TMEM245: variants seen among roughly 807,000 people sequenced by gnomAD.
TMEM245 encodes the protein protein CG-2.
In TMEM245, 69 loss-of-function variants were observed where a neutral mutation model predicts 101.2. The observed-to-expected ratio is 0.68, with a 90% CI of 0.56 to 0.83. The LOEUF (loss-of-function observed/expected upper bound fraction) is 0.83, where lower values mean the gene tolerates loss of function less well. Among genes scored for constraint, TMEM245 ranks in the 40% least tolerant of loss-of-function variants. The probability of loss-of-function intolerance (pLI) is 0.00; values close to 1 mark genes in which losing one functional copy is unlikely to be tolerated. For missense variants in TMEM245, 1,075 were observed against 1,092.8 expected (o/e 0.98, Z 0.23); for synonymous variants, 537 against 449.8 (o/e 1.19, Z -2.45).
chr9:109,073,847 TTTTTTTTTG>T (rs1456632158), intron 8 of TMEM245, among the ~76,000 whole-genome samples: 3 of 131,812 alleles, frequency 2.3e-5, no homozygotes, highest in African/African-American at 8.2e-5. Context: ...GAACTAACTT[TTTTTTTTTG>T]TTTTTTTTTT....
At chr9:109,060,256 G>T in intron 11 of TMEM245, 98 bp downstream of exon 11, 2 of 874,532 alleles carry the variant, frequency 2.3e-6, no homozygotes, top group South Asian at 1.9e-5. Flanking sequence ...AAATTTCCAT[G>T]AATGAAATCC....
At position 109,119,498 on chromosome 9, in the gene TMEM245, C is replaced by G. The variant is rs745482173; in HGVS notation, c.416G>C (p.Gly139Ala). The change falls in exon 1 of 18, where the codon GGC becomes GCC. Residue 139 changes from glycine (G) to alanine (A), a missense_variant. Around this residue, in one of 2 missense-constraint regions of TMEM245, gnomAD observed 808 missense variants for 741.5 expected, o/e 1.09. Coordinates refer to ENST00000374586, the MANE Select transcript of TMEM245 (RefSeq NM_032012.4). ...GCGGCGGCGGCGCAGCGCCTGCTCGCCCAGGGCCTCGACGCCGTAGTCGAC... is the reference window on the plus strand; with the variant it reads ...GCGGCGGCGGCGCAGCGCCTGCTCGGCCAGGGCCTCGACGCCGTAGTCGAC... Reference protein sequence around the residue: ...CFVDYGVEALGEQALRRRRLL... With the variant: ...CFVDYGVEALAEQALRRRRLL... 5.5e-4 allele frequency: 833 copies of G among 1,508,004 alleles called. No homozygotes were observed. Among genetic ancestry groups the G allele is most frequent in the Non-Finnish European group, 6.9e-4 (784 of 1,135,116 alleles). The allele number at this position is 1,508,004 out of a possible 1,614,324, so 93.4% of individuals were successfully genotyped here.
In TMEM245 at chr9:109,033,652, C is replaced by A. The variant is rs1193691645; in HGVS notation, c.2400-151G>T. The A allele has an allele frequency of 9.6e-6, 6 of 622,636 alleles. No homozygotes were observed. The Admixed American group carries it at 2.2e-4, about 23-fold the overall frequency. 38.6% of individuals were successfully genotyped at this position (622,636 alleles called of 1,614,324 possible). On this transcript the variant is annotated intron_variant, in intron 16 of 17. Coordinates refer to ENST00000374586, the MANE Select transcript of TMEM245 (RefSeq NM_032012.4). ...CTCGATGCATACAACTGAACACTGA[C>A]TGCAATAATATTGAGATGCAACAAT... is the stretch of plus-strand genomic sequence containing the variant.
At chr9:109,059,200 A>C (rs926584609) in intron 11 of TMEM245, among the ~76,000 whole-genome samples, 1 of 152,184 alleles carries the variant, frequency 6.6e-6, no homozygotes, top group Non-Finnish European at 1.5e-5. Context: ...ACTCACCTAG[A>C]TATTCCCTGA....
intron 9 of TMEM245, among the ~76,000 whole-genome samples, chr9:109,064,946 C>G (rs1029335366): frequency 2.0e-5 from 3 of 152,104 alleles, no homozygotes; most frequent in African/African-American, 7.2e-5. Flanking sequence ...CGTCACCACG[C>G]CTGGCTAATT....
chr9:109,103,524 A>G (rs937993553), intron 3 of TMEM245, among the ~76,000 whole-genome samples: 1 of 152,202 alleles, frequency 6.6e-6, no homozygotes, highest in Admixed American at 6.5e-5. Context: ...TGTGGTACTT[A>G]TACACAATGG....
intron 4 of TMEM245, among the ~76,000 whole-genome samples, 170 bp downstream of exon 4, chr9:109,093,305 T>C (rs1180778053): frequency 3.3e-5 from 5 of 151,916 alleles, no homozygotes; most frequent in Admixed American, 6.6e-5. Flanking sequence ...AAAAGTGATA[T>C]ATGAGAACAA....
intron 3 of TMEM245, among the ~76,000 whole-genome samples, chr9:109,102,474 C>T (rs1278802963): frequency 6.6e-6 from 1 of 152,154 alleles, no homozygotes; most frequent in Non-Finnish European, 1.5e-5. Flanking sequence ...CAGAGTACCA[C>T]AAACAGCCTC....
intron 3 of TMEM245, among the ~76,000 whole-genome samples, chr9:109,093,951 G>A (rs1479471632): frequency 6.6e-6 from 1 of 152,214 alleles, no homozygotes; most frequent in East Asian, 1.9e-4. Context: ...TGATCTGACT[G>A]TCTTAGGCTA....
At chr9:109,087,446 T>C (rs375786778) in intron 5 of TMEM245, 104 bp from the exon 6 acceptor site, 1 of 1,143,090 alleles carries the variant, frequency 8.7e-7, no homozygotes, top group Non-Finnish European at 1.2e-6. Context: ...ACAACAAAGC[T>C]AGTATTAAAA....
chr9:109,116,619 A>C (rs1413707723), intron 1 of TMEM245, among the ~76,000 whole-genome samples: 1 of 151,134 alleles, frequency 6.6e-6, no homozygotes, highest in African/African-American at 2.4e-5. Flanking sequence ...GCAACCTCCA[A>C]CTCTTGGGTT....
chr9:109,105,730 A>G (rs1830393550), intron 3 of TMEM245, among the ~76,000 whole-genome samples: 3 of 152,024 alleles, frequency 2.0e-5, no homozygotes, highest in Non-Finnish European at 4.4e-5. Flanking sequence ...ATGTCTTGGA[A>G]CTAGATACAG....
At chr9:109,110,118 G>T (rs1436484364) in intron 1 of TMEM245, among the ~76,000 whole-genome samples, 7 of 152,126 alleles carry the variant, frequency 4.6e-5, no homozygotes, top group Admixed American at 4.6e-4. Context: ...TGGGAAGTGA[G>T]ACTACAGCTG....
intron 12 of TMEM245, among the ~76,000 whole-genome samples, chr9:109,052,759 G>C (rs983700911): frequency 6.6e-6 from 1 of 151,982 alleles, no homozygotes; most frequent in African/African-American, 2.4e-5. Flanking sequence ...CTTTACTTGT[G>C]ATTTGACAAG....
chr9:109,100,753 A>G (rs1371879199), intron 3 of TMEM245, among the ~76,000 whole-genome samples: 3 of 152,244 alleles, frequency 2.0e-5, no homozygotes, highest in Non-Finnish European at 4.4e-5. Context: ...TGAAGATACC[A>G]TCTATCTTAC....
chr9:109,070,079 C>T (rs935988812), intron 9 of TMEM245, among the ~76,000 whole-genome samples: 6 of 152,070 alleles, frequency 3.9e-5, no homozygotes, highest in Non-Finnish European at 8.8e-5. Context: ...TTTTGCTCAC[C>T]CTTAAAGGCT....
Position 109,044,741 on chromosome 9 carries a change from T to C in TMEM245, c.2123+5542A>G, listed in dbSNP as rs552099329. On this transcript the variant is annotated intron_variant, in intron 14 of 17. Coordinates refer to ENST00000374586, the MANE Select transcript of TMEM245 (RefSeq NM_032012.4). ...ATAGGGGTAATTGGCATATCCATCA[T>C]CTTGATCATTTATCATTTTGGTTTT... 3.3e-5 allele frequency among the ~76,000 whole-genome samples: 5 copies of C among 151,758 alleles called. No homozygotes were observed. In the South Asian group the frequency reaches 8.3e-4, roughly 25 times the overall value.
At chr9:109,050,813 A>T in intron 12 of TMEM245, 121 bp from the exon 13 acceptor site, 2 of 1,016,464 alleles carry the variant, frequency 2.0e-6, no homozygotes, top group Non-Finnish European at 2.8e-6. Context: ...AGAACTGAGG[A>T]TTATTTCAAA....
At chr9:109,108,191 T>C (rs778319696) in intron 2 of TMEM245, among the ~76,000 whole-genome samples, 10 of 152,142 alleles carry the variant, frequency 6.6e-5, no homozygotes, top group Non-Finnish European at 1.3e-4. Context: ...AGAAATGATA[T>C]GAGAATCCAA....
Sources: gnomAD v4.1 joint callset for allele counts (sites outside exome capture counted in the v4.1 genomes callset) on GRCh38, gnomAD v4.1.1 for gene constraint, gnomAD v4.1.1 regional missense constraint, MANE v1.5 for transcripts, NCBI Gene and HGNC (gene_info 2026-07-23, HGNC 2026-07-21) for gene names.